Variants in RAB6A observed in about 807,000 individuals in gnomAD.
The protein encoded by RAB6A is RAB6A, member RAS oncogene family, also known as ras-related protein Rab-6A.
Under a neutral mutation model 32.3 loss-of-function variants are expected in RAB6A, and 8 were observed. The observed-to-expected ratio is 0.25, with a 90% confidence interval of 0.15 to 0.45. The LOEUF (loss-of-function observed/expected upper bound fraction) is 0.45, where lower values mean the gene tolerates loss of function less well. Among genes scored for constraint, RAB6A ranks in the 20% least tolerant of loss-of-function variants. The pLI, the probability that RAB6A is intolerant of heterozygous loss-of-function variation, is 1.00. For missense variants in RAB6A, 104 were observed against 249.4 expected (o/e 0.42, Z 3.93); for synonymous variants, 73 against 82.1 (o/e 0.89, Z 0.60).
intron 6 of RAB6A, among the ~76,000 whole-genome samples, chr11:73,699,473 C>G: frequency 6.6e-6 from 1 of 152,032 alleles, no homozygotes; most frequent in Non-Finnish European, 1.5e-5. Context: ...TCTGTAGAGA[C>G]AAGTTTTCCC....
At chr11:73,722,153 T>C (rs1946142362) in intron 2 of RAB6A, among the ~76,000 whole-genome samples, 1 of 149,784 alleles carries the variant, frequency 6.7e-6, no homozygotes, top group Admixed American at 6.8e-5. Flanking sequence ...ATCTCTTTAT[T>C]AGCAGCATGA....
chr11:73,757,564 G>A (rs927233188), intron 1 of RAB6A, among the ~76,000 whole-genome samples: 3 of 151,936 alleles, frequency 2.0e-5, no homozygotes, highest in South Asian at 2.1e-4. Context: ...CTTTTCATGC[G>A]TTACATTAAT....
intron 5 of RAB6A, among the ~76,000 whole-genome samples, chr11:73,714,206 AAAAATAT>A (rs1946013428): frequency 1.3e-5 from 1 of 78,978 alleles, no homozygotes; most frequent in Non-Finnish European, 2.7e-5. Context: ...AAAAAAAAAA[AAAAATAT>A]ATATATATAT....
intron 2 of RAB6A, among the ~76,000 whole-genome samples, chr11:73,724,331 CTAAAAG>C (rs1218676777): frequency 3.3e-5 from 5 of 152,142 alleles, no homozygotes; most frequent in Admixed American, 2.0e-4. Context: ...CACAAACTGA[CTAAAAG>C]TAAATTTTAT....
chr11:73,691,024 T>TG (rs932226458), intron 6 of RAB6A, among the ~76,000 whole-genome samples: 5 of 30,658 alleles, frequency 1.6e-4, no homozygotes, highest in East Asian at 8.1e-4. Context: ...TTTTCGGGGG[T>TG]GGGGGGGCGA....
intron 1 of RAB6A, among the ~76,000 whole-genome samples, chr11:73,731,836 G>C (rs1422814932): frequency 1.3e-5 from 2 of 149,492 alleles, no homozygotes; most frequent in Non-Finnish European, 3.0e-5. Context: ...CCGCCTCCCG[G>C]GTTCAACCGA....
At chr11:73,745,026 A>T (rs895994637) in intron 1 of RAB6A, among the ~76,000 whole-genome samples, 11 of 152,068 alleles carry the variant, frequency 7.2e-5, no homozygotes, top group Non-Finnish European at 1.3e-4. Context: ...ACTGACTACT[A>T]GCACAAGACT....
At chr11:73,679,284 T>C (rs1945317384) in intron 7 of RAB6A, among the ~76,000 whole-genome samples, 1 of 152,232 alleles carries the variant, frequency 6.6e-6, no homozygotes, top group African/African-American at 2.4e-5. Flanking sequence ...ATTTCTTGCC[T>C]GTGTCAAGTA....
intron 1 of RAB6A, chr11:73,759,999 C>T (rs1946816883): frequency 7.8e-7 from 1 of 1,283,478 alleles, no homozygotes; most frequent in African/African-American, 1.5e-5. Flanking sequence ...GACTAATTTC[C>T]CACCCAGGTG....
chr11:73,700,583 C>CAA lies in RAB6A; in HGVS notation c.495+6835_495+6836dup, dbSNP rs11458879. On this transcript the variant is annotated intron_variant, in intron 6 of 7. Transcript: ENST00000336083. ...TGGGTGACAGAGCAAGACCCTGTCT[C>CAA]AAAAAAAAAAAAAAAAGTGTGTGTG... 3.1e-3 allele frequency among the ~76,000 whole-genome samples: 95 copies of CAA among 30,484 alleles called. 1 individual carries two copies. The highest frequency in any genetic ancestry group is 0.015 in the Admixed American group (27 of 1,788). The allele number at this position is 30,484 out of a possible 152,430, so 20.0% of individuals were successfully genotyped here. A position where few individuals can be genotyped will look rare whatever the true frequency, so the allele number is the denominator to read the frequency against.
At chr11:73,743,444 G>C (rs1565376930) in intron 1 of RAB6A, among the ~76,000 whole-genome samples, 1 of 152,018 alleles carries the variant, frequency 6.6e-6, no homozygotes, top group Non-Finnish European at 1.5e-5. Context: ...ACTTTTAGCA[G>C]GTCATCAAGG....
At chr11:73,708,014 C>T (rs928451486) in intron 5 of RAB6A, among the ~76,000 whole-genome samples, 2 of 152,306 alleles carry the variant, frequency 1.3e-5, no homozygotes, top group South Asian at 2.1e-4. Flanking sequence ...TATGGCTAAA[C>T]AATTTCTGTC....
chr11:73,683,163 C>G (rs992237635), intron 6 of RAB6A, among the ~76,000 whole-genome samples: 1 of 151,818 alleles, frequency 6.6e-6, no homozygotes, highest in African/African-American at 2.4e-5. Flanking sequence ...GACAATGTGA[C>G]ACTCTATCAA....
intron 6 of RAB6A, among the ~76,000 whole-genome samples, chr11:73,689,597 T>C (rs1346567407): frequency 2.0e-5 from 3 of 152,196 alleles, no homozygotes; most frequent in African/African-American, 7.2e-5. Flanking sequence ...TCCAGGTCTT[T>C]AGATAACTCT....
Position 73,676,794 on chromosome 11 carries a change from A to T in RAB6A, c.*1104T>A, listed in dbSNP as rs538588563. ...AAATGTCCTGAGCAAAGTTTTTGTTATTCTGCTGAGGGTTCTTTTGTTGGT... is the reference window on the plus strand; with the variant it reads ...AAATGTCCTGAGCAAAGTTTTTGTTTTTCTGCTGAGGGTTCTTTTGTTGGT... On this transcript the variant is annotated 3_prime_UTR_variant, in exon 8 of 8. Coordinates refer to ENST00000336083, the MANE Select transcript of RAB6A (RefSeq NM_198896.2). The T allele has an allele frequency of 1.2e-5, 2 of 167,124 alleles. No individual in the cohort carries two copies. Among genetic ancestry groups the T allele is most frequent in the East Asian group, 3.8e-4 (2 of 5,200 alleles). 10.4% of individuals were successfully genotyped at this position (167,124 alleles called of 1,614,324 possible).
intron 1 of RAB6A, among the ~76,000 whole-genome samples, chr11:73,743,524 G>C (rs1386113315): frequency 6.6e-6 from 1 of 152,022 alleles, no homozygotes; most frequent in Non-Finnish European, 1.5e-5. Context: ...CTACTCAAGA[G>C]TATCAGGTGG....
In RAB6A at chr11:73,702,823, G is replaced by A. The variant is rs184224750; in HGVS notation, c.495+4597C>T. ...CAATTTAAGATGTATACATTTCACT[G>A]TACATAAATGTTTATCTCAATTTTA... On this transcript the variant is annotated intron_variant, in intron 6 of 7. Coordinates refer to ENST00000336083, the MANE Select transcript of RAB6A (RefSeq NM_198896.2). Among the ~76,000 whole-genome samples, 52 of 151,708 alleles carry A rather than the reference G, an allele frequency of 3.4e-4. 1 individual carries two copies. The highest frequency in any genetic ancestry group is 1.2e-3 in the African/African-American group (49 of 41,376).
rs182865769 is a variant in RAB6A at position 73,678,954 on chromosome 11, G to A, written c.562+700C>T. Among the ~76,000 whole-genome samples the A allele has an allele frequency of 1.4e-3, 207 of 152,034 alleles. 2 individuals are homozygous for A. The highest frequency in any genetic ancestry group is 8.3e-3 in the South Asian group (40 of 4,812). ...TTGGTCAGGCTGGTCTTGAACTCCC[G>A]ACCTCAGGTGATCCACCTGCCTTGG... On this transcript the variant is annotated intron_variant, in intron 7 of 7. Coordinates refer to ENST00000336083, the MANE Select transcript of RAB6A (RefSeq NM_198896.2).
intron 1 of RAB6A, among the ~76,000 whole-genome samples, chr11:73,734,564 G>A (rs991181698): frequency 6.6e-6 from 1 of 152,178 alleles, no homozygotes; most frequent in African/African-American, 2.4e-5. Context: ...TGGGGAGGAG[G>A]AACGGTGGAT....
Sources: allele counts gnomAD v4.1 joint callset (sites outside exome capture counted in the v4.1 genomes callset), GRCh38; gene constraint gnomAD v4.1.1; transcripts MANE v1.5; gene names NCBI Gene and HGNC (gene_info 2026-07-23, HGNC 2026-07-21).